SOX6: variants seen among roughly 807,000 people sequenced by gnomAD.
The protein encoded by SOX6 is transcription factor SOX-6.
Under a neutral mutation model 97.8 loss-of-function variants are expected in SOX6, and 11 were observed. The observed-to-expected ratio is 0.11, with a 90% CI of 0.07 to 0.19. SOX6 has a LOEUF of 0.19. Ranked by LOEUF, SOX6 falls within the 10% of genes least tolerant of loss-of-function variation. SOX6 has a pLI of 1.00. For synonymous variants in SOX6, 360 were observed against 371.4 expected (o/e 0.97, Z 0.35); for missense variants, 810 against 1,039.5 (o/e 0.78, Z 3.04).
chr11:16,586,312 G>C (rs578191737), intron 4 of SOX6, among the ~76,000 whole-genome samples: 1 of 152,066 alleles, frequency 6.6e-6, no homozygotes, highest in Non-Finnish European at 1.5e-5. Flanking sequence ...GGTAATAAGA[G>C]GTGGGGAGAA....
chr11:16,354,736 A>G (rs1037424178), intron 1 of SOX6, among the ~76,000 whole-genome samples: 1 of 152,052 alleles, frequency 6.6e-6, no homozygotes, highest in Admixed American at 6.6e-5. Flanking sequence ...GCAGCCTTGC[A>G]GTATACTAAA....
chr11:16,432,725 T>C (rs1859294610), intron 1 of SOX6, among the ~76,000 whole-genome samples: 3 of 152,032 alleles, frequency 2.0e-5, no homozygotes, highest in Admixed American at 2.0e-4. Context: ...ATCAAGAATC[T>C]GCCTTTTAAA....
At chr11:16,064,405 A>AG (rs2133933508) in intron 9 of SOX6, among the ~76,000 whole-genome samples, 1 of 149,750 alleles carries the variant, frequency 6.7e-6, no homozygotes, top group East Asian at 1.9e-4. Flanking sequence ...TTTATTAAGT[A>AG]GCCTACCAGA....
chr11:16,194,430 T>C (rs78707857), intron 4 of SOX6, among the ~76,000 whole-genome samples: 3,888 of 152,258 alleles, frequency 0.026, 169 homozygotes, highest in African/African-American at 0.088. Context: ...AAATAAAAAG[T>C]TTAATAAATG....
At chr11:16,420,207 G>A (rs1858996874) in intron 1 of SOX6, among the ~76,000 whole-genome samples, 1 of 152,004 alleles carries the variant, frequency 6.6e-6, no homozygotes. Flanking sequence ...TGAGAGAAAG[G>A]TCAAAAAAAT....
At chr11:16,708,118 G>A (rs1441367962) in intron 3 of SOX6, among the ~76,000 whole-genome samples, 1 of 152,078 alleles carries the variant, frequency 6.6e-6, no homozygotes, top group Admixed American at 6.6e-5. Context: ...TTGGAAAGGG[G>A]AAACAAGTAA....
chr11:16,545,646 A>G (rs1480818758), intron 4 of SOX6, among the ~76,000 whole-genome samples: 1 of 152,182 alleles, frequency 6.6e-6, no homozygotes, highest in Non-Finnish European at 1.5e-5. Flanking sequence ...AAGGCACCCA[A>G]ATTGGAAAAG....
At chr11:16,667,675 A>C (rs916030794) in intron 3 of SOX6, among the ~76,000 whole-genome samples, 1 of 152,238 alleles carries the variant, frequency 6.6e-6, no homozygotes, top group Non-Finnish European at 1.5e-5. Flanking sequence ...CCTACAAAAA[A>C]TGCTAAGGGG....
intron 3 of SOX6, among the ~76,000 whole-genome samples, chr11:16,289,118 C>A: frequency 6.6e-6 from 1 of 151,524 alleles, no homozygotes; most frequent in Non-Finnish European, 1.5e-5. Flanking sequence ...TTTAATTTAC[C>A]AAGAAAAAAA....
In SOX6 at chr11:16,155,022, C is replaced by T. The variant is rs556748827; in HGVS notation, c.777+28864G>A. Among the ~76,000 whole-genome samples the T allele has an allele frequency of 3.3e-5, 5 of 151,582 alleles. No individual in the cohort carries two copies. In the South Asian group the frequency reaches 1.0e-3, roughly 32 times the overall value. On this transcript the variant is annotated intron_variant, in intron 6 of 15. Coordinates refer to ENST00000683767, the MANE Select transcript of SOX6 (RefSeq NM_001367873.1). ...TCCTTGAACTACCCTCTTTGCTTAA[C>T]TGTGGAGTGTGGGTCAGACTGATTG...
At chr11:16,650,275 A>G (rs1378339310) in intron 3 of SOX6, among the ~76,000 whole-genome samples, 1 of 152,166 alleles carries the variant, frequency 6.6e-6, no homozygotes, top group Admixed American at 6.6e-5. Flanking sequence ...CCTAGAACAA[A>G]TGGACTTCAT....
chr11:16,184,119 T>A (rs1851411144), intron 5 of SOX6, among the ~76,000 whole-genome samples, 165 bp from the exon 6 acceptor site: 1 of 151,928 alleles, frequency 6.6e-6, no homozygotes, highest in Non-Finnish European at 1.5e-5. Context: ...AAAGGAAAAA[T>A]TTTTAAACAA....
At chr11:16,078,634 G>T (rs1160492565) in intron 9 of SOX6, among the ~76,000 whole-genome samples, 1 of 152,108 alleles carries the variant, frequency 6.6e-6, no homozygotes, top group Non-Finnish European at 1.5e-5. Context: ...GAGGAGGAAG[G>T]GAGAACAAGA....
chr11:16,395,467 T>C (rs1469483951), intron 1 of SOX6, among the ~76,000 whole-genome samples: 1 of 151,560 alleles, frequency 6.6e-6, no homozygotes, highest in Non-Finnish European at 1.5e-5. Flanking sequence ...AACACAGCAT[T>C]ATGTGAATAT....
At chr11:16,695,809 G>A (rs1251551894) in intron 3 of SOX6, among the ~76,000 whole-genome samples, 1 of 151,710 alleles carries the variant, frequency 6.6e-6, no homozygotes, top group Non-Finnish European at 1.5e-5. Context: ...CCAACATGGT[G>A]AGACCCCGTC....
At chr11:16,418,218 G>T (rs527945344) in intron 1 of SOX6, among the ~76,000 whole-genome samples, 1 of 152,178 alleles carries the variant, frequency 6.6e-6, no homozygotes, top group African/African-American at 2.4e-5. Flanking sequence ...TTGATCTAAA[G>T]TACTCCTGAA....
intron 4 of SOX6, among the ~76,000 whole-genome samples, chr11:16,498,196 A>G (rs1860640712): frequency 6.6e-6 from 1 of 152,230 alleles, no homozygotes; most frequent in Non-Finnish European, 1.5e-5. Flanking sequence ...TTCAACCTAC[A>G]ATTTCATATC....
At chr11:16,688,966 C>G (rs1162559081) in intron 3 of SOX6, among the ~76,000 whole-genome samples, 3 of 152,204 alleles carry the variant, frequency 2.0e-5, no homozygotes, top group Admixed American at 6.5e-5. Context: ...AGAACAGTAT[C>G]TAGTCCAGCA....
intron 7 of SOX6, among the ~76,000 whole-genome samples, chr11:16,110,053 A>G (rs757754731): frequency 9.9e-5 from 15 of 152,214 alleles, no homozygotes; most frequent in Non-Finnish European, 8.8e-5. Context: ...TAGAGAAGAC[A>G]TTTGAAAAAT....
Sources: gnomAD v4.1 joint callset for allele counts (sites outside exome capture counted in the v4.1 genomes callset) on GRCh38, gnomAD v4.1.1 for gene constraint, MANE v1.5 for transcripts, NCBI Gene and HGNC (gene_info 2026-07-23, HGNC 2026-07-21) for gene names.